The following CLSPN variants were observed in gnomAD, a reference collection of about 807,000 sequenced individuals.
CLSPN encodes claspin.
In CLSPN, 85 loss-of-function variants were observed where a neutral mutation model predicts 156.3. The ratio of observed to expected loss-of-function variants is 0.54; its 90% CI spans 0.46 to 0.65. The LOEUF is 0.65. Ranked by LOEUF, CLSPN falls within the 30% of genes least tolerant of loss-of-function variation. The probability of loss-of-function intolerance (pLI) is 0.00; values close to 1 mark genes in which losing one functional copy is unlikely to be tolerated. For synonymous variants in CLSPN, 534 were observed against 542.4 expected, an observed-to-expected ratio of 0.98 and a Z score of 0.22; for missense variants, 1,407 against 1,554.9, an observed-to-expected ratio of 0.90 and a Z score of 1.60.
At chr1:35,761,430 C>T (rs992140315) in intron 6 of CLSPN, among the ~76,000 whole-genome samples, 14 of 152,136 alleles carry the variant, frequency 9.2e-5, no homozygotes, top group African/African-American at 3.4e-4. Context: ...AATACAGATT[C>T]TTGGATCCCA....
chr1:35,726,216 G>T (rs1249167140), intron 24 of CLSPN, among the ~76,000 whole-genome samples: 1 of 140,868 alleles, frequency 7.1e-6, no homozygotes, highest in Non-Finnish European at 1.5e-5. Context: ...CCCCAGCAGG[G>T]AGTTGGGGAG....
Position 35,761,133 on chromosome 1 carries a change from G to A in CLSPN, c.967C>T (p.Arg323Trp), listed in dbSNP as rs115825841. 28 of 1,613,558 alleles carry A rather than the reference G, an allele frequency of 1.7e-5. No homozygotes were observed. The highest frequency in any genetic ancestry group is 1.5e-4 in the Admixed American group (9 of 60,012). ...ATGGCATTTCCGTGGCAAGTGGGCC[G>A]GGGTTTACGTTTGAAGAAATCATGA... ...TIHDFFKRKP[R>W]PTCHGNAMAL... The change falls in exon 7 of 25, where the codon CGG becomes TGG. Residue 323 changes from arginine to tryptophan, a missense_variant. Coordinates refer to ENST00000318121, the MANE Select transcript of CLSPN (RefSeq NM_022111.4).
intron 2 of CLSPN, 140 bp downstream of exon 2, chr1:35,765,078 T>C (rs1252964818): frequency 1.6e-6 from 1 of 616,138 alleles, no homozygotes; most frequent in African/African-American, 1.9e-5. Context: ...AGCACTGTTA[T>C]TTTGCTTTTA....
intron 1 of CLSPN, among the ~76,000 whole-genome samples, chr1:35,766,407 A>G (rs1163279947): frequency 1.3e-5 from 2 of 151,936 alleles, no homozygotes; most frequent in African/African-American, 4.8e-5. Flanking sequence ...ATATTTCTAT[A>G]TATTTATATA....
chr1:35,765,594 T>C (rs1177924677), intron 1 of CLSPN, among the ~76,000 whole-genome samples: 2 of 152,238 alleles, frequency 1.3e-5, no homozygotes, highest in East Asian at 3.8e-4. Context: ...ATGCCTTTTC[T>C]GTGTGAACTG....
Position 35,735,366 on chromosome 1 carries a change from G to C in CLSPN, c.*1130C>G, listed in dbSNP as rs746770195. 1.1e-5 allele frequency: 11 copies of C among 985,322 alleles called. No individual in the cohort carries two copies. Among genetic ancestry groups the C allele is most frequent in the Non-Finnish European group, 1.3e-5 (11 of 829,938 alleles). The allele number at this position is 985,322 out of a possible 1,614,324, so 61.0% of individuals were successfully genotyped here. Reference sequence around the variant, plus strand: ...GCATACAGGAAAATGAAAGGGGTAAGAGTAATACAGCAGCCCATCTGTTGG... The same window carrying C: ...GCATACAGGAAAATGAAAGGGGTAACAGTAATACAGCAGCCCATCTGTTGG... On this transcript the variant is annotated 3_prime_UTR_variant, in exon 25 of 25. Coordinates refer to ENST00000318121, the MANE Select transcript of CLSPN (RefSeq NM_022111.4).
At chr1:35,762,278 A>G (rs1642506449) in intron 5 of CLSPN, 126 bp downstream of exon 5, 2 of 883,244 alleles carry the variant, frequency 2.3e-6, no homozygotes, top group African/African-American at 3.4e-5. Context: ...TGTTCCTACT[A>G]TGTACAAAGC....
intron 4 of CLSPN, 82 bp downstream of exon 4, chr1:35,763,078 T>A: frequency 4.3e-6 from 5 of 1,162,062 alleles, no homozygotes; most frequent in South Asian, 2.6e-5. Flanking sequence ...AAAAAAAAAA[T>A]TAAGGTTCCA....
At chr1:35,722,777 G>A (rs192520978) in intron 24 of CLSPN, among the ~76,000 whole-genome samples, 312 of 151,848 alleles carry the variant, frequency 2.1e-3, no homozygotes, top group Middle Eastern at 6.8e-3. Flanking sequence ...GACTACAGGC[G>A]TGTGCCACTG....
At chr1:35,751,593 T>A in intron 9 of CLSPN, 87 bp from the exon 10 acceptor site, 1 of 1,488,252 alleles carries the variant, frequency 6.7e-7, no homozygotes, top group Non-Finnish European at 8.9e-7. Context: ...TCTAGTCACA[T>A]CCCAAAAGGA....
At position 35,738,061 on chromosome 1, in the gene CLSPN, C is replaced by A; in HGVS notation, c.3595G>T (p.Glu1199Ter). The change falls in exon 22 of 25, where the codon GAA (glutamate) becomes TAA (stop). Residue 1199 changes from glutamate (E) to a stop codon, truncating the protein, a stop_gained. Transcript: ENST00000318121. LOFTEE classifies it high-confidence loss of function. ...ATAAACTGACTGTCCTCCCCAATTT[C>A]TTCTTCTTCTTCAGCTGTAATTTTC... Reference protein sequence around the residue: ...QGKITAEEEEEIGEDSQFMIL... With the variant: ...QGKITAEEEE 1 of 1,262,734 alleles carries A rather than the reference C, an allele frequency of 7.9e-7. No homozygotes were observed. The highest frequency in any genetic ancestry group is 1.1e-6 in the Non-Finnish European group (1 of 938,654). The allele number at this position is 1,262,734 out of a possible 1,614,324, so 78.2% of individuals were successfully genotyped here.
rs1641056825 is a variant in CLSPN, at chr1:35,720,800, T to C, written c.*91A>G. On this transcript the variant is annotated 3_prime_UTR_variant, in exon 25 of 25. Transcript: ENST00000251195. ...TTGGTGATCTAGGGTTATGCAGTTC[T>C]GCCCAGACCACAGAGCCATAAAGTC... 3 of 884,712 alleles carry C rather than the reference T, an allele frequency of 3.4e-6. No individual in the cohort carries two copies. The East Asian group carries it at 7.9e-5, about 23-fold the overall frequency. The allele number at this position is 884,712 out of a possible 1,614,324, so 54.8% of individuals were successfully genotyped here.
downstream of CLSPN, among the ~76,000 whole-genome samples, chr1:35,730,963 A>T (rs1460585755): frequency 1.3e-5 from 2 of 152,148 alleles, no homozygotes; most frequent in Non-Finnish European, 2.9e-5. Context: ...GCACTGTGGG[A>T]GGCCAAGGCG....
intron 24 of CLSPN, among the ~76,000 whole-genome samples, chr1:35,722,482 TC>T (rs755112823): frequency 6.6e-6 from 1 of 151,948 alleles, no homozygotes; most frequent in Non-Finnish European, 1.5e-5. Context: ...ACTCCTGACA[TC>T]AGGTGATCTG....
chr1:35,758,581 G>A (rs1642363700), intron 8 of CLSPN, among the ~76,000 whole-genome samples: 1 of 151,856 alleles, frequency 6.6e-6, no homozygotes, highest in Non-Finnish European at 1.5e-5. Context: ...GGAGGCGGAG[G>A]TTGCAGTGAG....
intron 22 of CLSPN, chr1:35,737,632 G>A (rs1330122783): frequency 9.4e-6 from 5 of 532,244 alleles, no homozygotes; most frequent in Non-Finnish European, 1.7e-5. Flanking sequence ...AAACAGAAGT[G>A]GTCAGTGTAG....
intron 8 of CLSPN, among the ~76,000 whole-genome samples, chr1:35,757,185 C>T (rs984628801): frequency 4.6e-5 from 7 of 152,174 alleles, no homozygotes; most frequent in Non-Finnish European, 1.0e-4. Context: ...GTTCCCAATG[C>T]ACCCTCAATT....
At chr1:35,769,723 G>C in intron 1 of CLSPN, 124 bp downstream of exon 1, 1 of 918,050 alleles carries the variant, frequency 1.1e-6, no homozygotes, top group Non-Finnish European at 1.5e-6. Context: ...CCGGCGCGGC[G>C]AACGCCGGGA....
rs1641426749 is a variant in CLSPN at position 35,735,279 on chromosome 1, C to A, written c.*1217G>T. 1.0e-6 allele frequency: 1 copy of A among 985,264 alleles called. No homozygotes were observed. Among genetic ancestry groups the A allele is most frequent in the South Asian group, 4.7e-5 (1 of 21,286 alleles). The allele number at this position is 985,264 out of a possible 1,614,324, so 61.0% of individuals were successfully genotyped here. A position where few individuals can be genotyped will look rare whatever the true frequency, so the allele number is the denominator to read the frequency against. On this transcript the variant is annotated 3_prime_UTR_variant, in exon 25 of 25. Transcript: ENST00000318121. ...GGCAGAGTCTTTCTGACTTGGGTAC[C>A]AGTTTAAGTCCTTATTAAGCAGCAA...
Sources: gnomAD v4.1 joint callset for allele counts (sites outside exome capture counted in the v4.1 genomes callset) on GRCh38, gnomAD v4.1.1 for gene constraint, MANE v1.5 for transcripts, NCBI Gene and HGNC (gene_info 2026-07-23, HGNC 2026-07-21) for gene names.